SLC13A3: variants seen among roughly 807,000 people sequenced by gnomAD.
SLC13A3 encodes solute carrier family 13 member 3.
Under a neutral mutation model 59.0 loss-of-function variants are expected in SLC13A3, and 40 were observed. That is an observed-to-expected ratio of 0.68 (90% CI 0.53 to 0.88). SLC13A3 has a LOEUF of 0.88. Among genes scored for constraint, SLC13A3 ranks in the 40% least tolerant of loss-of-function variants. SLC13A3 has a pLI of 0.00. For missense variants in SLC13A3, 699 were observed against 783.2 expected (o/e 0.89, Z 1.28); for synonymous variants, 317 against 330.3 (o/e 0.96, Z 0.44).
At chr20:46,619,262 T>G (rs1185557374) in intron 1 of SLC13A3, among the ~76,000 whole-genome samples, 1 of 152,182 alleles carries the variant, frequency 6.6e-6, no homozygotes, top group Non-Finnish European at 1.5e-5. Flanking sequence ...AAAAAAAGGC[T>G]CATGTCCTCC....
rs759206007 is a variant in SLC13A3, at chr20:46,592,481, G to A, written c.843C>T (p.Phe281=). The change falls in exon 6 of 13, where the codon TTC becomes TTT. Residue 281 remains phenylalanine, a synonymous_variant. Coordinates refer to ENST00000279027, the MANE Select transcript of SLC13A3 (RefSeq NM_022829.6). The part of the protein sequence containing the change: ...DVVNFGSWFI[F]AFPLMLLFLL... ...GGAACAACAGCATAAGAGGGAAGGC[G>A]AAAATGAACCAGGAGCCGAAATTCA... 17 of 1,613,772 alleles carry A rather than the reference G, an allele frequency of 1.1e-5. No homozygotes were observed. The East Asian group carries it at 2.0e-4, about 19-fold the overall frequency.
At chr20:46,635,219 C>T (rs184451676) in intron 1 of SLC13A3, among the ~76,000 whole-genome samples, 1 of 152,252 alleles carries the variant, frequency 6.6e-6, no homozygotes, top group East Asian at 1.9e-4. Context: ...TTGGGTCTAT[C>T]ATTTGGAGAT....
At chr20:46,596,099 G>A in intron 5 of SLC13A3, 58 bp downstream of exon 5, 1 of 1,488,264 alleles carries the variant, frequency 6.7e-7, no homozygotes, top group Non-Finnish European at 9.2e-7. Flanking sequence ...TTGAATGAAG[G>A]AGGGAAGAGG....
At chr20:46,658,232 T>C (rs1686098633) in intron 1 of SLC13A3, among the ~76,000 whole-genome samples, 1 of 152,000 alleles carries the variant, frequency 6.6e-6, no homozygotes. Flanking sequence ...TTATGCTATA[T>C]GAAAGAAGCT....
At chr20:46,679,373 A>T (rs913226910) in intron 1 of SLC13A3, among the ~76,000 whole-genome samples, 1 of 151,802 alleles carries the variant, frequency 6.6e-6, no homozygotes, top group Admixed American at 6.6e-5. Flanking sequence ...CCTGGCCAAC[A>T]TGTCAAAATC....
intron 9 of SLC13A3, among the ~76,000 whole-genome samples, chr20:46,578,902 G>A (rs558133798): frequency 8.0e-5 from 12 of 149,270 alleles, no homozygotes; most frequent in Non-Finnish European, 1.2e-4. Context: ...AGTCGTCGTC[G>A]TCGTCATCAT....
chr20:46,650,753 A>G (rs894706616), intron 1 of SLC13A3, among the ~76,000 whole-genome samples: 11 of 152,180 alleles, frequency 7.2e-5, no homozygotes, highest in Admixed American at 3.9e-4. Context: ...AGCACCAAGC[A>G]CAGAATTAGA....
intron 3 of SLC13A3, among the ~76,000 whole-genome samples, chr20:46,600,862 T>C (rs879733426): frequency 6.6e-6 from 1 of 152,106 alleles, no homozygotes; most frequent in Non-Finnish European, 1.5e-5. Context: ...GAAATAGAAC[T>C]GGGTAATGTG....
chr20:46,613,974 C>A, intron 1 of SLC13A3: 1 of 443,804 alleles, frequency 2.3e-6, no homozygotes, highest in East Asian at 3.5e-5. Flanking sequence ...AATGAGGAAG[C>A]TATTTTGGTT....
chr20:46,595,664 G>A lies in SLC13A3; in HGVS notation c.794+493C>T, dbSNP rs192613465. Among the ~76,000 whole-genome samples, 76 of 152,048 alleles carry A rather than the reference G, an allele frequency of 5.0e-4. 1 individual carries two copies. Among genetic ancestry groups the A allele is most frequent in the African/African-American group, 1.6e-3 (65 of 41,448 alleles). On this transcript the variant is annotated intron_variant, in intron 5 of 12. Transcript: ENST00000279027. Reference sequence around the variant, plus strand: ...CCTTTTGTCTTCTCACCTTCCCTTCGCCCCAGGCTCTTCGTCTCCCTGGTT... The same window carrying A: ...CCTTTTGTCTTCTCACCTTCCCTTCACCCCAGGCTCTTCGTCTCCCTGGTT...
intron 8 of SLC13A3, among the ~76,000 whole-genome samples, chr20:46,586,001 T>G (rs1397696119): frequency 6.6e-6 from 1 of 152,316 alleles, no homozygotes; most frequent in African/African-American, 2.4e-5. Flanking sequence ...CAAACTGACA[T>G]GTGCTTTAAA....
intron 12 of SLC13A3, 60 bp downstream of exon 12, chr20:46,563,354 C>T (rs1355587168): frequency 3.2e-6 from 5 of 1,575,646 alleles, no homozygotes; most frequent in East Asian, 2.3e-5. Context: ...AGAGGCCTTG[C>T]CCGCCCCCTT....
rs2061919047 is a variant in SLC13A3 at position 46,560,172 on chromosome 20, CAG to C, written c.1657_1658del (p.Leu553AspfsTer28). On this transcript the variant is annotated frameshift_variant, in exon 13 of 13. Coordinates refer to ENST00000279027, the MANE Select transcript of SLC13A3 (RefSeq NM_022829.6). LOFTEE classifies it high-confidence loss of function. ...DMVRTGLLMN[L>X]MGVLLLSLAM... The stretch of plus-strand genomic sequence containing the variant: ...CCAAACTGAGCAGCAGGACACCCAT[CAG>C]GTTCATCAGGAGGCCTGTCCGCACC... 1.9e-6 allele frequency: 3 copies of C among 1,614,040 alleles called. No homozygotes were observed. The highest frequency in any genetic ancestry group is 8.5e-7 in the Non-Finnish European group (1 of 1,180,018).
chr20:46,616,276 C>A (rs1475689365), intron 1 of SLC13A3, among the ~76,000 whole-genome samples: 2 of 152,130 alleles, frequency 1.3e-5, no homozygotes, highest in African/African-American at 4.8e-5. Context: ...GTATATAAAA[C>A]AGACAAACTT....
At chr20:46,574,850 T>C (rs1339990758) in intron 10 of SLC13A3, among the ~76,000 whole-genome samples, 1 of 151,042 alleles carries the variant, frequency 6.6e-6, no homozygotes, top group Non-Finnish European at 1.5e-5. Flanking sequence ...TTTTTTTTTT[T>C]TCTTAGAGAT....
At chr20:46,657,691 C>A (rs2063003539) in intron 1 of SLC13A3, among the ~76,000 whole-genome samples, 2 of 152,196 alleles carry the variant, frequency 1.3e-5, no homozygotes, top group South Asian at 4.1e-4. Context: ...GTTTAATGAG[C>A]TCATCGTTCT....
intron 1 of SLC13A3, among the ~76,000 whole-genome samples, chr20:46,629,899 C>G (rs1056963334): frequency 6.6e-6 from 1 of 152,160 alleles, no homozygotes; most frequent in African/African-American, 2.4e-5. Context: ...CTGTTTTTCT[C>G]CTTTCTATTT....
chr20:46,644,501 CA>C (rs923151220), intron 1 of SLC13A3, among the ~76,000 whole-genome samples: 1 of 151,890 alleles, frequency 6.6e-6, no homozygotes, highest in Non-Finnish European at 1.5e-5. Context: ...GTTAAATTGC[CA>C]AAAAAATAAA....
At position 46,575,686 on chromosome 20, in the gene SLC13A3, C is replaced by G; in HGVS notation, c.1220-1G>C. On this transcript the variant is annotated splice_acceptor_variant, in intron 9 of 12. Transcript: ENST00000279027. LOFTEE classifies it high-confidence loss of function. ...AAGGGCTCTGTCTCTGTGTTGGGAG[C>G]TGGGCAGAGAGAGGGATTCAGCACA... is the stretch of plus-strand genomic sequence containing the variant. 1 of 1,575,974 alleles carries G rather than the reference C, an allele frequency of 6.3e-7. No homozygotes were observed. Among genetic ancestry groups the G allele is most frequent in the Non-Finnish European group, 8.6e-7 (1 of 1,157,736 alleles).
Sources: gnomAD v4.1 joint callset for allele counts (sites outside exome capture counted in the v4.1 genomes callset) on GRCh38, gnomAD v4.1.1 for gene constraint, MANE v1.5 for transcripts, NCBI Gene and HGNC (gene_info 2026-07-23, HGNC 2026-07-21) for gene names.